The following UBN2 variants were observed in gnomAD, a reference collection of about 807,000 sequenced individuals.
UBN2 encodes ubinuclein-2.
Under a neutral mutation model 120.2 loss-of-function variants are expected in UBN2, and 35 were observed. The ratio of observed to expected loss-of-function variants is 0.29; its 90% CI spans 0.22 to 0.39. The LOEUF is 0.39. Ranked by LOEUF, UBN2 falls within the 10% of genes least tolerant of loss-of-function variation. The probability of loss-of-function intolerance (pLI) is 1.00; values close to 1 mark genes in which losing one functional copy is unlikely to be tolerated. For missense variants in UBN2, 1,693 were observed against 1,663.2 expected, an observed-to-expected ratio of 1.02 and a Z score of -0.31; for synonymous variants, 661 against 648.7, an observed-to-expected ratio of 1.02 and a Z score of -0.29.
rs1012636232 is a variant in UBN2 at position 139,304,076 on chromosome 7, C to G, written c.*6240C>G. The G allele has an allele frequency of 6.6e-6, 1 of 152,154 alleles. No homozygotes were observed. The allele number at this position is 152,154 out of a possible 1,614,324, so 9.4% of individuals were successfully genotyped here. ...ACGGATAGCTAAGCTTTTTAACTTT[C>G]TAAGAATGAGTATGATGTCTCATTC... On this transcript the variant is annotated 3_prime_UTR_variant, in exon 18 of 18. Coordinates refer to ENST00000473989, the MANE Select transcript of UBN2 (RefSeq NM_173569.4).
intron 12 of UBN2, chr7:139,277,229 T>C (rs1375483788): frequency 1.3e-5 from 2 of 152,178 alleles, no homozygotes; most frequent in African/African-American, 2.4e-5. Context: ...ATTTTTTAGT[T>C]TTTAGGAAGG....
intron 9 of UBN2, 49 bp downstream of exon 9, chr7:139,272,489 G>T (rs1160057508): frequency 1.3e-5 from 17 of 1,271,856 alleles, no homozygotes; most frequent in Non-Finnish European, 1.7e-5. Flanking sequence ...AGAAGTGTAT[G>T]TACGTTATGT....
chr7:139,291,975 A>G (rs187425189), intron 15 of UBN2, among the ~76,000 whole-genome samples: 20 of 152,334 alleles, frequency 1.3e-4, no homozygotes, highest in African/African-American at 4.6e-4. Flanking sequence ...TTTGCCAGGC[A>G]TTCTGGCTCA....
chr7:139,281,764 G>A (rs1797618851), intron 13 of UBN2, among the ~76,000 whole-genome samples: 2 of 152,170 alleles, frequency 1.3e-5, no homozygotes, highest in African/African-American at 2.4e-5. Flanking sequence ...CCTTTATTGT[G>A]TACTTTTTAT....
At chr7:139,273,467 TAA>T in intron 10 of UBN2, 57 bp downstream of exon 10, 1 of 1,143,142 alleles carries the variant, frequency 8.7e-7, no homozygotes, top group Non-Finnish European at 1.2e-6. Context: ...GATTCCTCAT[TAA>T]AAAAAAATCT....
Position 139,287,844 on chromosome 7 carries a change from T to C in UBN2, c.3669+3270T>C, listed in dbSNP as rs532975847. Among the ~76,000 whole-genome samples, 42 of 152,308 alleles carry C rather than the reference T, an allele frequency of 2.8e-4. 2 individuals are homozygous for C. In the South Asian group the frequency reaches 8.7e-3, roughly 32 times the overall value. On this transcript the variant is annotated intron_variant, in intron 15 of 17. Coordinates refer to ENST00000473989, the MANE Select transcript of UBN2 (RefSeq NM_173569.4). Reference sequence around the variant, plus strand: ...GAACCTGTCTATAGCTCTCCAACACTGAAAACAGAGTTCCTATCTATGCCT... The same window carrying C: ...GAACCTGTCTATAGCTCTCCAACACCGAAAACAGAGTTCCTATCTATGCCT...
intron 16 of UBN2, 38 bp from the exon 17 acceptor site, chr7:139,293,851 G>A: frequency 1.3e-6 from 2 of 1,591,074 alleles, no homozygotes. Flanking sequence ...GCTCAAATCT[G>A]GATTTAAAGA....
At chr7:139,282,165 C>A in intron 14 of UBN2, 110 bp downstream of exon 14, 1 of 796,184 alleles carries the variant, frequency 1.3e-6, no homozygotes, top group Non-Finnish European at 2.0e-6. Context: ...ATGTAATAGG[C>A]TTTTGCTTCT....
chr7:139,327,120 G>A, the UBN2 span, among the ~76,000 whole-genome samples: 2 of 152,250 alleles, frequency 1.3e-5, no homozygotes, highest in East Asian at 1.9e-4. Context: ...CGCAACCTCC[G>A]CCTCCCGGGT....
In UBN2 at chr7:139,279,350, C is replaced by T. The variant is rs781416797; in HGVS notation, c.2057C>T (p.Pro686Leu). ...AKKKVIPAPK[P>L]KVKEVMVKTL... is the part of the protein sequence containing the mutation. Reference sequence around the variant, plus strand: ...AAAAAGGTGATTCCTGCACCTAAACCCAAAGTAAAGGTAAGTACTGAAACA... The same window carrying T: ...AAAAAGGTGATTCCTGCACCTAAACTCAAAGTAAAGGTAAGTACTGAAACA... The change falls in exon 13 of 18, where the codon CCC becomes CTC. Residue 686 changes from proline to leucine, a missense_variant. Physicochemically the swap from Pro to Leu is moderately conservative, Grantham distance 98. Coordinates refer to ENST00000473989, the MANE Select transcript of UBN2 (RefSeq NM_173569.4). The T allele has an allele frequency of 6.2e-7, 1 of 1,605,894 alleles. No individual in the cohort carries two copies. Among genetic ancestry groups the T allele is most frequent in the East Asian group, 2.2e-5 (1 of 44,576 alleles).
At chr7:139,266,257 T>G in intron 6 of UBN2, 76 bp from the exon 7 acceptor site, 1 of 931,410 alleles carries the variant, frequency 1.1e-6, no homozygotes, top group Non-Finnish European at 1.7e-6. Flanking sequence ...AAAAAAACCT[T>G]TGAACACGTG....
Position 139,259,214 on chromosome 7 carries a change from AAG to A in UBN2, c.802-50_802-49del. The stretch of plus-strand genomic sequence containing the variant: ...TGCTGATGCTGGATTGCTAACATCA[AAG>A]AGTAAAGCATTGTTACTTACATAAA... On this transcript the variant is annotated intron_variant, in intron 4 of 17. Transcript: ENST00000473989. 4 of 1,590,782 alleles carry A rather than the reference AAG, an allele frequency of 2.5e-6. No individual in the cohort carries two copies. The South Asian group carries it at 4.6e-5, about 18-fold the overall frequency.
At chr7:139,316,710 A>G in the UBN2 span, among the ~76,000 whole-genome samples, 4 of 152,018 alleles carry the variant, frequency 2.6e-5, no homozygotes, top group Non-Finnish European at 5.9e-5. Flanking sequence ...ACGCCACTGC[A>G]CTCCAGCCTG....
chr7:139,275,711 ATC>A lies in UBN2; in HGVS notation c.1974-383_1974-382del, dbSNP rs1797424051. On this transcript the variant is annotated intron_variant, in intron 11 of 17. Coordinates refer to ENST00000473989, the MANE Select transcript of UBN2 (RefSeq NM_173569.4). ...CCAGGTGTGGTAGCTCACCCCTATA[ATC>A]TCAGCACTTTAGGAGGCCAAGGGCC... is the stretch of plus-strand genomic sequence containing the variant. 2.0e-5 allele frequency among the ~76,000 whole-genome samples: 3 copies of A among 152,298 alleles called. No individual in the cohort carries two copies. The South Asian group carries it at 6.2e-4, about 32-fold the overall frequency.
intron 12 of UBN2, among the ~76,000 whole-genome samples, chr7:139,278,515 ATTAACTTTGTGTTTTGT>A (rs967622249): frequency 3.3e-5 from 5 of 151,826 alleles, no homozygotes; most frequent in South Asian, 4.1e-4. Context: ...CATTATTATC[ATTAACTTTGTGTTTTGT>A]TTAACTTTGT....
the UBN2 span, among the ~76,000 whole-genome samples, chr7:139,321,216 A>G: frequency 6.6e-6 from 1 of 152,206 alleles, no homozygotes; most frequent in Non-Finnish European, 1.5e-5. Flanking sequence ...TTAGCTCCAC[A>G]TTGGGAAGGA....
At chr7:139,253,977 A>T (rs1438740823) in intron 3 of UBN2, among the ~76,000 whole-genome samples, 1 of 152,212 alleles carries the variant, frequency 6.6e-6, no homozygotes, top group Non-Finnish European at 1.5e-5. Flanking sequence ...CACATTGGAT[A>T]TTCTGTCAAA....
chr7:139,240,937 G>A (rs573463112), intron 2 of UBN2, among the ~76,000 whole-genome samples: 22 of 152,278 alleles, frequency 1.4e-4, no homozygotes, highest in Admixed American at 3.9e-4. Context: ...TTCTACAACC[G>A]TATAGGCTCC....
At chr7:139,295,782 A>G (rs1798092790) in intron 17 of UBN2, among the ~76,000 whole-genome samples, 1 of 152,156 alleles carries the variant, frequency 6.6e-6, no homozygotes, top group East Asian at 1.9e-4. Context: ...TTTTCTGGAC[A>G]TGGTGCTGTG....
Sources: gnomAD v4.1 joint callset for allele counts (sites outside exome capture counted in the v4.1 genomes callset) on GRCh38, gnomAD v4.1.1 for gene constraint, MANE v1.5 for transcripts, NCBI Gene and HGNC (gene_info 2026-07-23, HGNC 2026-07-21) for gene names.